The following SPECC1 variants were observed in gnomAD, a reference collection of about 807,000 sequenced individuals.
SPECC1 encodes the protein sperm antigen with calponin homology and coiled-coil domains 1.
A neutral mutation model predicts 104.1 loss-of-function variants in SPECC1; 62 were observed. The observed-to-expected ratio is 0.60, with a 90% confidence interval of 0.49 to 0.74. SPECC1 has a LOEUF of 0.74. Among genes scored for constraint, SPECC1 ranks in the 30% least tolerant of loss-of-function variants. SPECC1 has a pLI of 0.00. For synonymous variants in SPECC1, 513 were observed against 501.6 expected, an observed-to-expected ratio of 1.02 and a Z score of -0.30; for missense variants, 1,306 against 1,310.5, an observed-to-expected ratio of 1.00 and a Z score of 0.05.
chr17:20,264,088 T>G (rs905711212), intron 12 of SPECC1, among the ~76,000 whole-genome samples: 4 of 152,334 alleles, frequency 2.6e-5, no homozygotes, highest in Non-Finnish European at 5.9e-5. Context: ...CTCATAGTCT[T>G]GTTCTCTCAG....
intron 3 of SPECC1, among the ~76,000 whole-genome samples, chr17:20,196,490 A>G (rs1456551266): frequency 6.6e-6 from 1 of 152,006 alleles, no homozygotes; most frequent in Non-Finnish European, 1.5e-5. Context: ...TTTATGACGC[A>G]TTTAGGAGGC....
At chr17:20,239,218 ATGTAT>A in intron 7 of SPECC1, 1 of 1,017,884 alleles carries the variant, frequency 9.8e-7, no homozygotes, top group Non-Finnish European at 1.2e-6. Flanking sequence ...TGATGATTTA[ATGTAT>A]TGGATTTTTT....
At chr17:20,119,833 A>AGT (rs2048941758) in intron 3 of SPECC1, among the ~76,000 whole-genome samples, 1 of 152,356 alleles carries the variant, frequency 6.6e-6, no homozygotes, top group East Asian at 1.9e-4. Context: ...TACAGCAACT[A>AGT]GTTGTACAGG....
intron 2 of SPECC1, among the ~76,000 whole-genome samples, chr17:20,106,126 A>G (rs1231192366): frequency 6.6e-6 from 1 of 152,156 alleles, no homozygotes; most frequent in Non-Finnish European, 1.5e-5. Context: ...TCCCTTAACC[A>G]CTGTGATTTC....
intron 1 of SPECC1, among the ~76,000 whole-genome samples, chr17:20,032,108 A>G (rs577113320): frequency 7.2e-5 from 11 of 152,090 alleles, no homozygotes; most frequent in Non-Finnish European, 1.3e-4. Context: ...TGAGAGGTCA[A>G]CTGTTTCTAT....
intron 12 of SPECC1, among the ~76,000 whole-genome samples, chr17:20,278,398 C>CCG (rs2040645370): frequency 6.6e-6 from 1 of 152,096 alleles, no homozygotes; most frequent in African/African-American, 2.4e-5. Flanking sequence ...GATGTGGTGG[C>CCG]CGGGGGCTGA....
intron 1 of SPECC1, among the ~76,000 whole-genome samples, chr17:20,086,109 C>A (rs574486492): frequency 2.0e-5 from 3 of 152,224 alleles, no homozygotes; most frequent in African/African-American, 7.2e-5. Flanking sequence ...ACACTGAAGG[C>A]CTCTGCTGCC....
rs959741358 is a variant in SPECC1 at position 20,316,838 on chromosome 17, T to A, written c.*2773T>A. Reference sequence around the variant, plus strand: ...ATTTTGAGTGATTACGTGTAAATCATCTAGAACCAGCTCTGAGCAATGGCG... The same window carrying A: ...ATTTTGAGTGATTACGTGTAAATCAACTAGAACCAGCTCTGAGCAATGGCG... On this transcript the variant is annotated 3_prime_UTR_variant, in exon 15 of 15. Coordinates refer to ENST00000395527, the MANE Select transcript of SPECC1 (RefSeq NM_001243439.2). The A allele has an allele frequency of 3.8e-5, 8 of 209,336 alleles. No homozygotes were observed. Among genetic ancestry groups the A allele is most frequent in the Non-Finnish European group, 7.8e-5 (8 of 102,806 alleles). The allele number at this position is 209,336 out of a possible 1,614,324, so 13.0% of individuals were successfully genotyped here.
intron 14 of SPECC1, 58 bp downstream of exon 14, chr17:20,306,140 G>T: frequency 6.6e-7 from 1 of 1,517,162 alleles, no homozygotes; most frequent in Non-Finnish European, 9.1e-7. Flanking sequence ...ATGACTTTAT[G>T]CCATCTGATA....
intron 1 of SPECC1, among the ~76,000 whole-genome samples, chr17:20,011,255 G>T (rs548994070): frequency 2.6e-5 from 4 of 152,234 alleles, no homozygotes; most frequent in East Asian, 3.9e-4. Flanking sequence ...GCTGCTGCTG[G>T]TGTTGTTTAG....
At chr17:20,266,294 G>T (rs182590118) in intron 12 of SPECC1, among the ~76,000 whole-genome samples, 45 of 152,246 alleles carry the variant, frequency 3.0e-4, no homozygotes, top group Admixed American at 7.8e-4. Flanking sequence ...AATATTGTAG[G>T]TGCTGGGGGC....
chr17:20,060,342 C>T (rs1461814617), intron 1 of SPECC1, among the ~76,000 whole-genome samples: 1 of 152,112 alleles, frequency 6.6e-6, no homozygotes, highest in African/African-American at 2.4e-5. Flanking sequence ...ATTTCAGAAG[C>T]TTCATAAATG....
chr17:20,112,485 G>A (rs2048541504), intron 3 of SPECC1: 1 of 765,826 alleles, frequency 1.3e-6, no homozygotes, highest in African/African-American at 1.7e-5. Flanking sequence ...CGATGCCAAG[G>A]TTTGAACTTC....
At chr17:20,284,756 C>T (rs1414163290) in intron 12 of SPECC1, among the ~76,000 whole-genome samples, 3 of 152,174 alleles carry the variant, frequency 2.0e-5, no homozygotes, top group Non-Finnish European at 2.9e-5. Flanking sequence ...TCTGATTCCA[C>T]AGCTGTGATA....
chr17:20,194,502 A>ATT (rs1209589252), intron 3 of SPECC1, among the ~76,000 whole-genome samples: 16,065 of 86,446 alleles, frequency 0.19, 2,351 homozygotes, highest in African/African-American at 0.31. Flanking sequence ...AAGAGAACGA[A>ATT]TTTTTTTTTT....
rs10708984 is a variant in SPECC1 at position 20,273,464 on chromosome 17, C to CA, written c.2940+13183dup. ...CCTGGGTGACACAGCGAGACTCTGT[C>CA]AAAAAAAAAAAAAGAAGAGGCCTGG... On this transcript the variant is annotated intron_variant, in intron 12 of 14. Coordinates refer to ENST00000395527, the MANE Select transcript of SPECC1 (RefSeq NM_001243439.2). Among the ~76,000 whole-genome samples, 535 of 144,408 alleles carry CA rather than the reference C, an allele frequency of 3.7e-3. 2 individuals are homozygous for CA. The highest frequency in any genetic ancestry group is 6.7e-3 in the Admixed American group (97 of 14,500). The allele number at this position is 144,408 out of a possible 152,430, so 94.7% of individuals were successfully genotyped here. A position where few individuals can be genotyped will look rare whatever the true frequency, so the allele number is the denominator to read the frequency against.
At position 20,297,044 on chromosome 17, in the gene SPECC1, C is replaced by T; in HGVS notation, c.3024C>T (p.His1008=). The part of the protein sequence containing the change: ...CALLHTYLPA[H]IPYQELNSQE... ...TGCTCCACACCTACCTGCCTGCCCA[C>T]ATCCCCTACCAGGAGCTGAATAGTC... Residue 1008 remains histidine, a synonymous_variant, in exon 13 of 15, where the codon CAC becomes CAT. Transcript: ENST00000395527. The T allele has an allele frequency of 1.2e-6, 2 of 1,614,160 alleles. No homozygotes were observed. Among genetic ancestry groups the T allele is most frequent in the East Asian group, 4.5e-5 (2 of 44,886 alleles).
rs144861908 is a variant in SPECC1, at chr17:20,036,144, A to ATT, written c.-22+26727_-22+26728dup. On this transcript the variant is annotated intron_variant, in intron 1 of 14. Transcript: ENST00000395527. ...TTTAAGAAAAGTCATGCTTTATTTTATTTTTTTTGAGATGGAGTCTCACTC... is the reference window on the plus strand; with the variant it reads ...TTTAAGAAAAGTCATGCTTTATTTTATTTTTTTTTTGAGATGGAGTCTCACTC... Among the ~76,000 whole-genome samples, 255 of 149,620 alleles carry ATT rather than the reference A, an allele frequency of 1.7e-3. 1 individual carries two copies. The highest frequency in any genetic ancestry group is 6.0e-3 in the African/African-American group (246 of 40,696).
intron 3 of SPECC1, among the ~76,000 whole-genome samples, chr17:20,136,563 T>C (rs1281582910): frequency 1.3e-5 from 2 of 152,206 alleles, no homozygotes; most frequent in Non-Finnish European, 2.9e-5. Context: ...GTGAAAAGTT[T>C]TGCTCCTGCC....
Sources: gnomAD v4.1 joint callset for allele counts (sites outside exome capture counted in the v4.1 genomes callset) on GRCh38, gnomAD v4.1.1 for gene constraint, MANE v1.5 for transcripts, NCBI Gene and HGNC (gene_info 2026-07-23, HGNC 2026-07-21) for gene names.